SFXN4: variants seen among roughly 807,000 people sequenced by gnomAD.
SFXN4 encodes sideroflexin-4.
SFXN4 carries 48 observed loss-of-function variants against 54.6 expected under a neutral mutation model. The ratio of observed to expected loss-of-function variants is 0.88; its 90% confidence interval spans 0.70 to 1.12. The LOEUF (loss-of-function observed/expected upper bound fraction) is 1.12, where lower values mean the gene tolerates loss of function less well. SFXN4 is among the 50% of genes most tolerant of loss of function. The pLI is 0.00. For synonymous variants in SFXN4, 130 were observed against 145.5 expected, an observed-to-expected ratio of 0.89 and a Z score of 0.77; for missense variants, 383 against 409.2, an observed-to-expected ratio of 0.94 and a Z score of 0.55.
chr10:119,147,702 G>A, intron 12 of SFXN4, 73 bp downstream of exon 12: 1 of 1,286,584 alleles, frequency 7.8e-7, no homozygotes, highest in Non-Finnish European at 1.1e-6. Flanking sequence ...CCTCCACCAG[G>A]GTCAGTATCT....
intron 1 of SFXN4, 118 bp downstream of exon 1, chr10:119,165,419 A>C: frequency 7.5e-7 from 1 of 1,337,320 alleles, no homozygotes; most frequent in Non-Finnish European, 9.6e-7. Flanking sequence ...CTCCGAGAGG[A>C]GGAAACGGAG....
At chr10:119,142,071 C>T (rs187316435) in intron 13 of SFXN4, among the ~76,000 whole-genome samples, 1 of 151,984 alleles carries the variant, frequency 6.6e-6, no homozygotes, top group African/African-American at 2.4e-5. Flanking sequence ...TGTGGTAGTA[C>T]GTTCCTGTAG....
intron 6 of SFXN4, 150 bp from the exon 7 acceptor site, chr10:119,158,212 G>T: frequency 1.4e-6 from 1 of 705,066 alleles, no homozygotes; most frequent in East Asian, 2.7e-5. Flanking sequence ...CTGCCGGTCC[G>T]TAGACAAGGT....
intron 13 of SFXN4, among the ~76,000 whole-genome samples, chr10:119,143,083 C>T (rs1356868563): frequency 6.6e-6 from 1 of 151,554 alleles, no homozygotes; most frequent in East Asian, 1.9e-4. Context: ...TCTGAGGTCA[C>T]GCGTGAGACT....
intron 11 of SFXN4, among the ~76,000 whole-genome samples, chr10:119,149,785 T>C (rs894867441): frequency 3.9e-5 from 6 of 152,226 alleles, no homozygotes; most frequent in African/African-American, 1.4e-4. Flanking sequence ...GTCTCAGGGA[T>C]ATAAAGTAAA....
chr10:119,151,505 GTTTCA>G (rs1847068837), intron 11 of SFXN4, among the ~76,000 whole-genome samples: 1 of 152,000 alleles, frequency 6.6e-6, no homozygotes, highest in Non-Finnish European at 1.5e-5. Flanking sequence ...TCACACAACT[GTTTCA>G]TTTATTTATT....
In SFXN4 at chr10:119,152,439, C is replaced by G. The variant is rs12098782; in HGVS notation, c.732+2623G>C. Among the ~76,000 whole-genome samples the G allele has an allele frequency of 9.7e-3, 1,482 of 152,098 alleles. 25 individuals are homozygous for G. Among genetic ancestry groups the G allele is most frequent in the African/African-American group, 0.034 (1,412 of 41,490 alleles). On this transcript the variant is annotated intron_variant, in intron 11 of 13. Transcript: ENST00000355697. ...GGATTACAGGCACCCGCCACCATGC[C>G]CAGCTAATTTTTGCCTTTTTAGTAG...
Position 119,160,474 on chromosome 10 carries a change from C to T in SFXN4, c.334+441G>A, listed in dbSNP as rs183743795. On this transcript the variant is annotated intron_variant, in intron 5 of 13. Transcript: ENST00000355697. ...GAGGTTGTAGTGAGCCGAGATTGTG[C>T]CACTGAACTCCAGCCTAGGTGACAG... Among the ~76,000 whole-genome samples the T allele has an allele frequency of 2.1e-3, 313 of 149,676 alleles. 2 individuals are homozygous for T. In the South Asian group the frequency reaches 0.028, roughly 13 times the overall value.
At chr10:119,151,314 A>T in intron 11 of SFXN4, among the ~76,000 whole-genome samples, 1 of 149,508 alleles carries the variant, frequency 6.7e-6, no homozygotes, top group Non-Finnish European at 1.5e-5. Context: ...GGTTGCAGTG[A>T]GCCAAGATCG....
At chr10:119,159,654 CA>C in intron 6 of SFXN4, 73 bp downstream of exon 6, 5 of 1,507,288 alleles carry the variant, frequency 3.3e-6, no homozygotes, top group Non-Finnish European at 4.6e-6. Context: ...TGGAGGGACA[CA>C]GCTGAGGTTA....
At chr10:119,154,985 T>G in intron 11 of SFXN4, 77 bp downstream of exon 11, 1 of 964,224 alleles carries the variant, frequency 1.0e-6, no homozygotes, top group Non-Finnish European at 1.7e-6. Context: ...AGACATGAAT[T>G]TGTCACCGGC....
intron 13 of SFXN4, among the ~76,000 whole-genome samples, chr10:119,143,816 A>C (rs563560136): frequency 2.0e-5 from 3 of 152,064 alleles, no homozygotes; most frequent in African/African-American, 4.8e-5. Flanking sequence ...AGGTCTCACT[A>C]CATTCCCCAG....
chr10:119,151,934 C>T lies in SFXN4; in HGVS notation c.732+3128G>A, dbSNP rs539120819. On this transcript the variant is annotated intron_variant, in intron 11 of 13. Coordinates refer to ENST00000355697, the MANE Select transcript of SFXN4 (RefSeq NM_213649.2). ...GGCTCAGTTGATCCTCTCACCTCAG[C>T]CTCCTAAGCAGCTGGGACTACAGAT... 5.9e-5 allele frequency among the ~76,000 whole-genome samples: 9 copies of T among 152,246 alleles called. No homozygotes were observed. The South Asian group carries it at 1.9e-3, about 32-fold the overall frequency.
At chr10:119,164,814 CAAAGAGAACCCCCT>C (rs1847702121) in intron 1 of SFXN4, among the ~76,000 whole-genome samples, 1 of 152,006 alleles carries the variant, frequency 6.6e-6, no homozygotes, top group Non-Finnish European at 1.5e-5. Context: ...GGAGAGGCCT[CAAAGAGAACCCCCT>C]AAAGCCCTGC....
At position 119,149,284 on chromosome 10, in the gene SFXN4, C is replaced by T. The variant is rs945334521; in HGVS notation, c.733-1424G>A. ...ACTCTGTTCCTTCCACTTCCAGCTT[C>T]CCATGATTGGCTTTGACCTACCTTC... On this transcript the variant is annotated intron_variant, in intron 11 of 13. Transcript: ENST00000355697. 2.6e-5 allele frequency among the ~76,000 whole-genome samples: 4 copies of T among 152,286 alleles called. No individual in the cohort carries two copies. In the East Asian group the frequency reaches 7.7e-4, roughly 29 times the overall value.
intron 6 of SFXN4, among the ~76,000 whole-genome samples, chr10:119,158,424 C>G (rs980904665): frequency 1.3e-5 from 2 of 151,718 alleles, no homozygotes; most frequent in Non-Finnish European, 2.9e-5. Context: ...AGTTGACCAG[C>G]CTGGCCAACA....
chr10:119,155,614 T>C (rs1349315798), intron 10 of SFXN4, among the ~76,000 whole-genome samples: 2 of 152,120 alleles, frequency 1.3e-5, no homozygotes, highest in Non-Finnish European at 2.9e-5. Flanking sequence ...TGCCTCAGCC[T>C]CCAGAGTAGC....
intron 13 of SFXN4, among the ~76,000 whole-genome samples, chr10:119,144,199 G>GT (rs1316719451): frequency 2.0e-5 from 3 of 152,200 alleles, no homozygotes; most frequent in Admixed American, 1.3e-4. Flanking sequence ...GCTCACGCCT[G>GT]TAATACCAGC....
rs141608372 is a variant in SFXN4 at position 119,146,460 on chromosome 10, T to TGTGTGTGTGTGCGC, written c.819-108_819-107insGCGCACACACACAC. On this transcript the variant is annotated intron_variant, in intron 12 of 13. Coordinates refer to ENST00000355697, the MANE Select transcript of SFXN4 (RefSeq NM_213649.2). Reference sequence around the variant, plus strand: ...GTGTGTGTGTGTGTGTGTGTGTGTGTGCACGTGTGTGTGTACCTGAACACC... The same window carrying TGTGTGTGTGTGCGC: ...GTGTGTGTGTGTGTGTGTGTGTGTGTGTGTGTGTGTGCGCGCACGTGTGTGTGTACCTGAACACC... 1.5e-4 allele frequency: 88 copies of TGTGTGTGTGTGCGC among 570,916 alleles called. No homozygotes were observed. In the African/African-American group the frequency reaches 1.9e-3, roughly 12 times the overall value. 35.4% of individuals were successfully genotyped at this position (570,916 alleles called of 1,614,324 possible).
Sources: allele counts gnomAD v4.1 joint callset (sites outside exome capture counted in the v4.1 genomes callset), GRCh38; gene constraint gnomAD v4.1.1; transcripts MANE v1.5; gene names NCBI Gene and HGNC (gene_info 2026-07-23, HGNC 2026-07-21).